Variants in CDC42BPA observed in about 807,000 individuals in gnomAD.
CDC42BPA encodes CDC42 binding protein kinase alpha, also known as serine/threonine-protein kinase MRCK alpha.
CDC42BPA carries 80 observed loss-of-function variants against 223.5 expected under a neutral mutation model. The ratio of observed to expected loss-of-function variants is 0.36; its 90% CI spans 0.30 to 0.43. CDC42BPA has a LOEUF of 0.43. Ranked by LOEUF, CDC42BPA falls within the 20% of genes least tolerant of loss-of-function variation. The pLI, the probability that CDC42BPA is intolerant of heterozygous loss-of-function variation, is 1.00. For synonymous variants in CDC42BPA, 694 were observed against 718.6 expected, an observed-to-expected ratio of 0.97 and a Z score of 0.55; for missense variants, 1,743 against 2,099.9, an observed-to-expected ratio of 0.83 and a Z score of 3.32.
At position 226,994,127 on chromosome 1, in the gene CDC42BPA, A is replaced by T; in HGVS notation, c.*141T>A. 1 of 689,108 alleles carries T rather than the reference A, an allele frequency of 1.5e-6. No homozygotes were observed. The allele number at this position is 689,108 out of a possible 1,614,324, so 42.7% of individuals were successfully genotyped here. ...GTGGATCTGAGAGTCGTGTCGTCAG[A>T]ACTCCTGAATCCCTGTCCTGCTACT... is the stretch of plus-strand genomic sequence containing the variant. On this transcript the variant is annotated 3_prime_UTR_variant, in exon 37 of 37. Transcript: ENST00000366766. This position sits in a 1 kb window ranked among gnomAD's most constrained non-coding sequence, Gnocchi z 4.0.
intron 2 of CDC42BPA, among the ~76,000 whole-genome samples, chr1:227,249,995 T>C (rs1681692566): frequency 6.6e-6 from 1 of 152,208 alleles, no homozygotes; most frequent in African/African-American, 2.4e-5. Flanking sequence ...ATAATTTAGT[T>C]GTCCATTTTG....
rs982676697 is a variant in CDC42BPA, at chr1:227,026,794, A to G, written c.4433-642T>C. 3.3e-5 allele frequency among the ~76,000 whole-genome samples: 5 copies of G among 152,192 alleles called. No homozygotes were observed. In the South Asian group the frequency reaches 6.2e-4, roughly 19 times the overall value. ...TCAGTTACAAGACAGCATTTATTCC[A>G]CTGATGAGTATGAGAGTGTGTGTGG... On this transcript the variant is annotated intron_variant, in intron 30 of 36. Coordinates refer to ENST00000366766, the MANE Select transcript of CDC42BPA (RefSeq NM_001394014.1).
chr1:227,079,737 C>T (rs539485201), intron 17 of CDC42BPA, among the ~76,000 whole-genome samples: 1 of 151,926 alleles, frequency 6.6e-6, no homozygotes, highest in Admixed American at 6.6e-5. Flanking sequence ...AACATTTGAA[C>T]CAAAATATGC....
intron 34 of CDC42BPA, 31 bp downstream of exon 34, chr1:227,016,049 C>G (rs750290811): frequency 2.3e-5 from 28 of 1,231,154 alleles, no homozygotes; most frequent in Non-Finnish European, 3.1e-5. Context: ...CACACCCGCC[C>G]TTTTTTACAC....
intron 14 of CDC42BPA, among the ~76,000 whole-genome samples, chr1:227,110,155 T>A (rs1447492615): frequency 6.6e-6 from 1 of 152,186 alleles, no homozygotes; most frequent in Non-Finnish European, 1.5e-5. Context: ...ATTGATCTTG[T>A]GTGCATATGT....
intron 4 of CDC42BPA, among the ~76,000 whole-genome samples, chr1:227,197,138 A>G (rs7520920): frequency 1 from 151,948 of 152,286 alleles, 75,808 homozygotes; most frequent in Middle Eastern, 1. Context: ...TTCTAGAACC[A>G]TATAGCATTA....
chr1:227,002,071 G>C (rs1000591832), intron 35 of CDC42BPA, among the ~76,000 whole-genome samples: 5 of 152,196 alleles, frequency 3.3e-5, no homozygotes, highest in Admixed American at 6.5e-5. Flanking sequence ...CTTTTGCTGT[G>C]TAAGTATTAA....
At chr1:227,221,499 A>C (rs1022932543) in intron 2 of CDC42BPA, among the ~76,000 whole-genome samples, 1 of 152,044 alleles carries the variant, frequency 6.6e-6, no homozygotes, top group Non-Finnish European at 1.5e-5. Context: ...CTTATCACTA[A>C]CATCCAAAGT....
At position 227,132,412 on chromosome 1, in the gene CDC42BPA, C is replaced by T. The variant is rs935569251; in HGVS notation, c.1391-3181G>A. On this transcript the variant is annotated intron_variant, in intron 10 of 36. Transcript: ENST00000366766. ...CCTCCCGAGGTGCCGGGATTGCAGACGGAGTCTCGTTCACTCAGTGCTCAA... is the reference window on the plus strand; with the variant it reads ...CCTCCCGAGGTGCCGGGATTGCAGATGGAGTCTCGTTCACTCAGTGCTCAA... Among the ~76,000 whole-genome samples, 741 of 150,844 alleles carry T rather than the reference C, an allele frequency of 4.9e-3. 6 individuals are homozygous for T. The highest frequency in any genetic ancestry group is 0.017 in the African/African-American group (694 of 40,948).
chr1:227,199,720 T>C, intron 3 of CDC42BPA, 68 bp from the exon 4 acceptor site: 1 of 751,356 alleles, frequency 1.3e-6, no homozygotes, highest in Non-Finnish European at 2.3e-6. Context: ...AAAGAATTAC[T>C]ATGTTTATTA....
chr1:227,191,345 C>CAAAAAA (rs71281008), intron 5 of CDC42BPA, among the ~76,000 whole-genome samples: 7 of 136,232 alleles, frequency 5.1e-5, no homozygotes, highest in South Asian at 2.5e-4. Context: ...AACTCTGTCT[C>CAAAAAA]AAAAAAAAGA....
intron 29 of CDC42BPA, among the ~76,000 whole-genome samples, chr1:227,029,827 T>C (rs1668928855): frequency 1.3e-5 from 2 of 152,166 alleles, no homozygotes; most frequent in South Asian, 4.1e-4. Context: ...TTTTTTTTCA[T>C]GTTCCATCTT....
At chr1:227,068,570 A>T in intron 21 of CDC42BPA, 2 of 436,690 alleles carry the variant, frequency 4.6e-6, no homozygotes, top group Non-Finnish European at 7.0e-6. Context: ...TCTAAAACTG[A>T]CTGCATTACT....
intron 1 of CDC42BPA, among the ~76,000 whole-genome samples, chr1:227,302,076 T>A (rs866134014): frequency 3.9e-5 from 6 of 152,314 alleles, no homozygotes; most frequent in Admixed American, 1.3e-4. Flanking sequence ...ATGGTTCACC[T>A]CTATGCTTGG....
chr1:227,239,256 GT>G (rs1383752428), intron 2 of CDC42BPA, among the ~76,000 whole-genome samples: 1 of 152,184 alleles, frequency 6.6e-6, no homozygotes, highest in Non-Finnish European at 1.5e-5. Flanking sequence ...GTGGCCAGGG[GT>G]CAGTGGTGAG....
chr1:227,065,125 T>TAAA (rs397810245), intron 21 of CDC42BPA, among the ~76,000 whole-genome samples: 32 of 151,732 alleles, frequency 2.1e-4, no homozygotes, highest in African/African-American at 4.1e-4. Flanking sequence ...AATAAATAAA[T>TAAA]TAACTCAAAC....
At chr1:227,252,028 T>C (rs535726444) in intron 2 of CDC42BPA, among the ~76,000 whole-genome samples, 2 of 152,226 alleles carry the variant, frequency 1.3e-5, no homozygotes, top group South Asian at 4.1e-4. Flanking sequence ...AAAATATGTC[T>C]GCTATAGCTA....
rs950627569 is a variant in CDC42BPA, at chr1:227,302,208, T to C, written c.178+14797A>G. On this transcript the variant is annotated intron_variant, in intron 1 of 36. Transcript: ENST00000366766. ...ACTTCCTCATCTTCATTCACTCCTT[T>C]ACCTAGTTGCAGCTAAGGCAATCAA... Among the ~76,000 whole-genome samples the C allele has an allele frequency of 2.6e-5, 4 of 152,346 alleles. No homozygotes were observed. The South Asian group carries it at 8.3e-4, about 32-fold the overall frequency.
intron 34 of CDC42BPA, 138 bp downstream of exon 34, chr1:227,015,942 A>C: frequency 1.6e-6 from 1 of 620,150 alleles, no homozygotes; most frequent in Non-Finnish European, 2.9e-6. Context: ...TGTATCTTAG[A>C]CATATTGTGG....
Sources: gnomAD v4.1 joint callset for allele counts (sites outside exome capture counted in the v4.1 genomes callset) on GRCh38, gnomAD v4.1.1 for gene constraint, Gnocchi (gnomAD v3.1) non-coding constraint, MANE v1.5 for transcripts, NCBI Gene and HGNC (gene_info 2026-07-23, HGNC 2026-07-21) for gene names.